ASTN2: variants seen among roughly 807,000 people sequenced by gnomAD.
ASTN2 encodes astrotactin-2.
Under a neutral mutation model 139.8 loss-of-function variants are expected in ASTN2, and 54 were observed. That is an observed-to-expected ratio of 0.39 (90% confidence interval 0.31 to 0.48). The LOEUF (loss-of-function observed/expected upper bound fraction) is 0.48. ASTN2 is among the 20% of genes least tolerant of loss of function. ASTN2 has a pLI of 0.95. For synonymous variants in ASTN2, 756 were observed against 719.5 expected, an observed-to-expected ratio of 1.05 and a Z score of -0.81; for missense variants, 1,565 against 1,725.1, an observed-to-expected ratio of 0.91 and a Z score of 1.64.
At chr9:117,104,703 G>C (rs2132771235) in intron 4 of ASTN2, among the ~76,000 whole-genome samples, 1 of 152,244 alleles carries the variant, frequency 6.6e-6, no homozygotes, top group Admixed American at 6.5e-5. Flanking sequence ...ATTTAGGTGT[G>C]CTTTAAAACA....
chr9:116,603,735 T>A (rs1037451563), intron 19 of ASTN2, among the ~76,000 whole-genome samples: 5 of 152,218 alleles, frequency 3.3e-5, no homozygotes, highest in African/African-American at 1.2e-4. Context: ...CCTAGCATAA[T>A]TCTTGCCTGG....
intron 19 of ASTN2, among the ~76,000 whole-genome samples, chr9:116,494,821 C>T (rs963238595): frequency 6.6e-6 from 1 of 152,116 alleles, no homozygotes; most frequent in Non-Finnish European, 1.5e-5. Context: ...CATTCAGCAC[C>T]CAAAGTCTGT....
rs1292251181 is a variant in ASTN2, at chr9:116,620,414, G to C, written c.3102C>G (p.Tyr1034Ter). The C allele has an allele frequency of 6.2e-7, 1 of 1,614,190 alleles. No homozygotes were observed. The highest frequency in any genetic ancestry group is 8.5e-7 in the Non-Finnish European group (1 of 1,180,026). Reference sequence around the variant, plus strand: ...TCACATCCCCTTTCCCTGAGCACCAGTAGGAACTCATCAGTGCACTCTTGA... The same window carrying C: ...TCACATCCCCTTTCCCTGAGCACCACTAGGAACTCATCAGTGCACTCTTGA... ...EAFKSALMSS[Y>*]WCSGKGDVID... The change falls in exon 18 of 23, where the codon TAC becomes TAG. Residue 1034 changes from tyrosine to a stop codon, truncating the protein, a stop_gained. Transcript: ENST00000313400. LOFTEE classifies it high-confidence loss of function.
At chr9:117,318,101 T>C (rs945910611) in intron 1 of ASTN2, among the ~76,000 whole-genome samples, 1 of 152,224 alleles carries the variant, frequency 6.6e-6, no homozygotes, top group Non-Finnish European at 1.5e-5. Context: ...AGTTGCATCA[T>C]ATTCATGAGT....
At chr9:116,630,162 T>C (rs1856674314) in intron 17 of ASTN2, among the ~76,000 whole-genome samples, 1 of 152,198 alleles carries the variant, frequency 6.6e-6, no homozygotes, top group African/African-American at 2.4e-5. Context: ...GATAATCCTA[T>C]TGGTGTCACT....
At chr9:116,494,761 T>G (rs1849619481) in intron 19 of ASTN2, among the ~76,000 whole-genome samples, 1 of 152,192 alleles carries the variant, frequency 6.6e-6, no homozygotes, top group Admixed American at 6.6e-5. Flanking sequence ...GTAAATAACT[T>G]TCTCACAAAA....
chr9:117,389,958 G>T (rs1443265908), intron 1 of ASTN2, among the ~76,000 whole-genome samples: 1 of 152,130 alleles, frequency 6.6e-6, no homozygotes, highest in African/African-American at 2.4e-5. Context: ...GCCCTCTGGG[G>T]TCTCTGGAAA....
intron 1 of ASTN2, among the ~76,000 whole-genome samples, chr9:117,305,826 A>G (rs1375027574): frequency 6.6e-6 from 1 of 152,262 alleles, no homozygotes; most frequent in Non-Finnish European, 1.5e-5. Flanking sequence ...GGATAATGAT[A>G]AAGCCACAGG....
intron 5 of ASTN2, among the ~76,000 whole-genome samples, chr9:117,045,991 C>CGTACGTAT (rs1217395411): frequency 5.6e-5 from 8 of 143,074 alleles, no homozygotes; most frequent in African/African-American, 2.1e-4. Context: ...TACGTACGTA[C>CGTACGTAT]GTATGTATGT....
intron 20 of ASTN2, among the ~76,000 whole-genome samples, chr9:116,449,242 CA>C (rs757464922): frequency 1.3e-5 from 2 of 151,942 alleles, no homozygotes; most frequent in African/African-American, 2.4e-5. Flanking sequence ...CCCATCTCTA[CA>C]AAAAATACAA....
intron 12 of ASTN2, among the ~76,000 whole-genome samples, chr9:116,808,488 C>CTA (rs1831087552): frequency 6.6e-6 from 1 of 152,148 alleles, no homozygotes; most frequent in South Asian, 2.1e-4. Flanking sequence ...TTTCAAAACA[C>CTA]TATATATATA....
chr9:116,614,362 GA>G (rs1855723563), intron 19 of ASTN2, among the ~76,000 whole-genome samples: 1 of 152,026 alleles, frequency 6.6e-6, no homozygotes, highest in Non-Finnish European at 1.5e-5. Flanking sequence ...CACAGAATTG[GA>G]AAAAACTACT....
chr9:117,349,402 T>C (rs1028991958), intron 1 of ASTN2, among the ~76,000 whole-genome samples: 2 of 152,180 alleles, frequency 1.3e-5, no homozygotes, highest in Non-Finnish European at 2.9e-5. Flanking sequence ...AGAATCTATC[T>C]TGGACTAAAT....
intron 7 of ASTN2, among the ~76,000 whole-genome samples, chr9:116,988,878 C>G (rs1288841752): frequency 6.6e-6 from 1 of 152,116 alleles, no homozygotes; most frequent in South Asian, 2.1e-4. Context: ...TGGCCTTACT[C>G]AAGTCATCTC....
At chr9:117,164,568 C>T (rs1040681696) in intron 3 of ASTN2, among the ~76,000 whole-genome samples, 3 of 152,082 alleles carry the variant, frequency 2.0e-5, no homozygotes, top group Non-Finnish European at 2.9e-5. Flanking sequence ...CCAATCCCCT[C>T]CAGGTAGCCA....
Position 116,853,594 on chromosome 9 carries a change from C to T in ASTN2, c.2040+9989G>A, listed in dbSNP as rs144989781. On this transcript the variant is annotated intron_variant, in intron 11 of 22. Transcript: ENST00000313400. ...CCTCTCTCACAGACACAGTGCACAC[C>T]TCACTGGACTCCACTCCCACATGTA... Among the ~76,000 whole-genome samples, 923 of 152,264 alleles carry T rather than the reference C, an allele frequency of 6.1e-3. 8 individuals carry two copies. Among genetic ancestry groups the T allele is most frequent in the African/African-American group, 0.021 (865 of 41,542 alleles).
intron 4 of ASTN2, among the ~76,000 whole-genome samples, chr9:117,123,648 G>C (rs992964476): frequency 6.6e-6 from 1 of 152,076 alleles, no homozygotes; most frequent in Non-Finnish European, 1.5e-5. Context: ...ACTGGCTCTA[G>C]CCCTTATTCT....
intron 1 of ASTN2, among the ~76,000 whole-genome samples, chr9:117,326,540 G>T (rs532348667): frequency 3.9e-5 from 6 of 152,182 alleles, no homozygotes; most frequent in Admixed American, 1.3e-4. Context: ...ATTTCCCATG[G>T]TAGTTGTGGG....
intron 1 of ASTN2, among the ~76,000 whole-genome samples, chr9:117,400,334 C>T (rs941249757): frequency 6.6e-5 from 10 of 152,212 alleles, no homozygotes; most frequent in African/African-American, 1.9e-4. Flanking sequence ...TCAGTCTTTC[C>T]ACCTGCTGTC....
Sources: allele counts gnomAD v4.1 joint callset (sites outside exome capture counted in the v4.1 genomes callset), GRCh38; gene constraint gnomAD v4.1.1; transcripts MANE v1.5; gene names NCBI Gene and HGNC (gene_info 2026-07-23, HGNC 2026-07-21).